Variants in AKAP19 observed in about 807,000 individuals in gnomAD.
AKAP19 encodes A-kinase anchoring protein 19.
the AKAP19 span, among the ~76,000 whole-genome samples, chr2:189,950,334 GTTTTTTT>G: frequency 1.5e-5 from 2 of 137,544 alleles, no homozygotes; most frequent in African/African-American, 5.8e-5. Flanking sequence ...AGCCTTTTTT[GTTTTTTT>G]TTTTTGTTTT....
At chr2:190,075,093 C>T in the AKAP19 span, among the ~76,000 whole-genome samples, 2 of 152,040 alleles carry the variant, frequency 1.3e-5, no homozygotes, top group Admixed American at 6.6e-5. Flanking sequence ...GCAAAGAAAA[C>T]TTCTAAGTCA....
At chr2:189,923,321 T>C in the AKAP19 span, 2 of 1,606,732 alleles carry the variant, frequency 1.2e-6, no homozygotes, top group South Asian at 2.2e-5. Context: ...GTGAGAAACC[T>C]TACCATCAAA....
the AKAP19 span, among the ~76,000 whole-genome samples, chr2:190,009,274 A>G: frequency 6.6e-6 from 1 of 152,190 alleles, no homozygotes; most frequent in Non-Finnish European, 1.5e-5. Context: ...CAACTTCTGT[A>G]TAGGGAATAG....
chr2:190,084,500 C>T, the AKAP19 span, among the ~76,000 whole-genome samples: 1 of 152,072 alleles, frequency 6.6e-6, no homozygotes, highest in South Asian at 2.1e-4. Flanking sequence ...GTGGAAAATG[C>T]CCCTTATTGA....
At chr2:190,183,122 T>C in the AKAP19 span, among the ~76,000 whole-genome samples, 1 of 152,216 alleles carries the variant, frequency 6.6e-6, no homozygotes, top group African/African-American at 2.4e-5. Context: ...TCCTGGATTT[T>C]TGGAGGCTGG....
At chr2:190,022,921 G>A in the AKAP19 span, among the ~76,000 whole-genome samples, 1 of 152,112 alleles carries the variant, frequency 6.6e-6, no homozygotes, top group Non-Finnish European at 1.5e-5. Flanking sequence ...GTGGTTGGTT[G>A]AGGGGACCTC....
the AKAP19 span, among the ~76,000 whole-genome samples, chr2:190,120,176 A>G: frequency 9.9e-5 from 15 of 152,122 alleles, no homozygotes; most frequent in Admixed American, 1.3e-4. Context: ...GCAGCATTAG[A>G]TTCTCATACG....
the AKAP19 span, among the ~76,000 whole-genome samples, chr2:190,158,926 G>C: frequency 6.6e-6 from 1 of 152,250 alleles, no homozygotes; most frequent in African/African-American, 2.4e-5. Flanking sequence ...GGAGGCCCAG[G>C]ATTCCTGTAG....
the AKAP19 span, among the ~76,000 whole-genome samples, chr2:189,889,107 C>A: frequency 6.6e-6 from 1 of 151,846 alleles, no homozygotes; most frequent in African/African-American, 2.4e-5. Flanking sequence ...GAGATATGTT[C>A]TATCAATACC....
chr2:189,884,818 T>C, the AKAP19 span, among the ~76,000 whole-genome samples: 2 of 152,196 alleles, frequency 1.3e-5, no homozygotes, highest in African/African-American at 2.4e-5. Flanking sequence ...GAGTCTGATA[T>C]TCTGCATTTC....
the AKAP19 span, among the ~76,000 whole-genome samples, chr2:189,936,043 T>G: frequency 6.6e-6 from 1 of 152,136 alleles, no homozygotes; most frequent in Non-Finnish European, 1.5e-5. Context: ...TAGGAAATCA[T>G]TTAATATTGT....
At chr2:189,955,438 A>AT in the AKAP19 span, among the ~76,000 whole-genome samples, 2 of 152,074 alleles carry the variant, frequency 1.3e-5, no homozygotes, top group Non-Finnish European at 2.9e-5. Context: ...ACAAGTACAG[A>AT]TTTTTTTGAT....
the AKAP19 span, among the ~76,000 whole-genome samples, chr2:190,023,795 G>GTGTA: frequency 0.049 from 6,998 of 142,656 alleles, 197 homozygotes; most frequent in African/African-American, 0.076. Context: ...ATGTGTGTGT[G>GTGTA]TATATATATA....
chr2:189,991,804 A>G, the AKAP19 span, among the ~76,000 whole-genome samples: 1 of 152,082 alleles, frequency 6.6e-6, no homozygotes, highest in East Asian at 1.9e-4. Flanking sequence ...TTTTGAAGTT[A>G]TCTTCTAGAA....
the AKAP19 span, among the ~76,000 whole-genome samples, chr2:190,050,260 G>A: frequency 1.3e-5 from 2 of 152,178 alleles, no homozygotes; most frequent in South Asian, 4.1e-4. Context: ...GAGACTGGCT[G>A]AAGCTCAGCT....
chr2:190,195,890 C>A, the AKAP19 span, among the ~76,000 whole-genome samples: 2 of 138,010 alleles, frequency 1.4e-5, no homozygotes, highest in Non-Finnish European at 3.1e-5. Flanking sequence ...ATATTTAGGT[C>A]TATGATCCAT....
chr2:190,000,943 A>G, the AKAP19 span, among the ~76,000 whole-genome samples: 2 of 152,116 alleles, frequency 1.3e-5, no homozygotes, highest in Non-Finnish European at 2.9e-5. Context: ...GGGGACTCCC[A>G]TTACATGTAT....
the AKAP19 span, among the ~76,000 whole-genome samples, chr2:190,008,727 C>A: frequency 4.4e-5 from 5 of 113,400 alleles, no homozygotes; most frequent in African/African-American, 1.0e-4. Context: ...AAGATGTGCA[C>A]GTGCACACAC....
the AKAP19 span, among the ~76,000 whole-genome samples, chr2:190,113,494 G>T: frequency 5.9e-5 from 9 of 152,028 alleles, no homozygotes; most frequent in Admixed American, 4.6e-4. Context: ...ACAGCATATT[G>T]TCTCAACTGC....
Sources: gnomAD v4.1 joint callset for allele counts (sites outside exome capture counted in the v4.1 genomes callset) on GRCh38, gnomAD v4.1.1 for gene constraint, MANE v1.5 for transcripts, NCBI Gene and HGNC (gene_info 2026-07-23, HGNC 2026-07-21) for gene names.